Variants in METTL9 observed in about 807,000 individuals in gnomAD.
METTL9 encodes protein-L-histidine N-pros-methyltransferase.
A neutral mutation model predicts 36.0 loss-of-function variants in METTL9; 10 were observed. That is an observed-to-expected ratio of 0.28 (90% CI 0.17 to 0.47). The LOEUF is 0.47. Among genes scored for constraint, METTL9 ranks in the 20% least tolerant of loss-of-function variants. The pLI, the probability that METTL9 is intolerant of heterozygous loss-of-function variation, is 0.99. For synonymous variants in METTL9, 175 were observed against 149.7 expected (o/e 1.17, Z -1.23); for missense variants, 246 against 383.5 (o/e 0.64, Z 3.00).
chr16:21,606,198 G>T (rs576488066), intron 1 of METTL9, among the ~76,000 whole-genome samples: 37 of 152,200 alleles, frequency 2.4e-4, no homozygotes, highest in African/African-American at 8.4e-4. Flanking sequence ...TTAGCTGGGC[G>T]TGGTGGCACG....
chr16:21,643,034 A>G (rs749382363), intron 4 of METTL9: 1 of 1,371,908 alleles, frequency 7.3e-7, no homozygotes, highest in East Asian at 2.3e-5. Flanking sequence ...AACGTGCTTT[A>G]TATCTGTATT....
chr16:21,630,019 G>A (rs1366083227), intron 4 of METTL9, among the ~76,000 whole-genome samples: 1 of 152,188 alleles, frequency 6.6e-6, no homozygotes, highest in Non-Finnish European at 1.5e-5. Flanking sequence ...CAAACCATTA[G>A]CTAGACACAG....
chr16:21,597,449 T>A (rs983307036), upstream of METTL9: 1 of 464,884 alleles, frequency 2.2e-6, no homozygotes, highest in African/African-American at 2.1e-5. Context: ...GAGTGATTTA[T>A]TTTTCTAGGC....
At chr16:21,599,363 A>C (rs557442835), upstream of METTL9, 90 of 1,029,024 alleles carry the variant, frequency 8.7e-5, no homozygotes, top group Non-Finnish European at 1.0e-4. The surrounding 1 kb of genome is among the most constrained non-coding windows in gnomAD (Gnocchi z 4.4). Flanking sequence ...CTAGAGGCCA[A>C]GGCAGGGCCG....
intron 4 of METTL9, chr16:21,646,804 T>G: frequency 5.7e-6 from 2 of 351,610 alleles, no homozygotes; most frequent in South Asian, 4.5e-5. Context: ...TACAGGTGCA[T>G]GCCACCATGC....
intron 4 of METTL9, among the ~76,000 whole-genome samples, chr16:21,632,157 T>C (rs889677379): frequency 6.6e-6 from 1 of 152,254 alleles, no homozygotes; most frequent in Non-Finnish European, 1.5e-5. Context: ...AAAAACTCCA[T>C]AATTGCCTTG....
At chr16:21,612,606 G>A (rs1329044453) in intron 1 of METTL9, 39 bp from the exon 2 acceptor site, 11 of 1,448,048 alleles carry the variant, frequency 7.6e-6, no homozygotes, top group South Asian at 1.5e-5. Flanking sequence ...CTTCGGTTGT[G>A]TGTTTTAATT....
At chr16:21,628,645 C>T (rs142131575) in intron 4 of METTL9, among the ~76,000 whole-genome samples, 196 of 152,128 alleles carry the variant, frequency 1.3e-3, no homozygotes, top group African/African-American at 4.6e-3. Context: ...AGGTGCATAC[C>T]ACCACACCCA....
At chr16:21,599,367 A>C (rs1304781150), upstream of METTL9, 27 of 1,035,060 alleles carry the variant, frequency 2.6e-5, no homozygotes, top group Non-Finnish European at 3.1e-5. This position sits in a 1 kb window ranked among gnomAD's most constrained non-coding sequence, Gnocchi z 4.4. Context: ...AGGCCAAGGC[A>C]GGGCCGGGAC....
At position 21,655,501 on chromosome 16, in the gene METTL9, C is replaced by A; in HGVS notation, c.*69C>A. The A allele has an allele frequency of 1.5e-6, 2 of 1,368,182 alleles. No individual in the cohort carries two copies. The highest frequency in any genetic ancestry group is 1.3e-5 in the South Asian group (1 of 76,280). The allele number at this position is 1,368,182 out of a possible 1,614,324, so 84.8% of individuals were successfully genotyped here. A position where few individuals can be genotyped will look rare whatever the true frequency, so the allele number is the denominator to read the frequency against. ...GTGCCCTTGGAAGAGGGTCTGTGTT[C>A]ACAATTACGTGAAGGGAGGACCCTT... On this transcript the variant is annotated 3_prime_UTR_variant, in exon 5 of 5. Transcript: ENST00000358154.
chr16:21,631,760 C>G (rs531224612), intron 4 of METTL9, among the ~76,000 whole-genome samples: 1 of 152,188 alleles, frequency 6.6e-6, no homozygotes, highest in East Asian at 1.9e-4. Context: ...TTTCGCGCTA[C>G]GCCCTTGTTT....
chr16:21,638,555 A>T (rs1966165010), intron 4 of METTL9, among the ~76,000 whole-genome samples: 1 of 152,222 alleles, frequency 6.6e-6, no homozygotes, highest in Admixed American at 6.5e-5. Flanking sequence ...AAGTGGAAAT[A>T]TAAAGATAAA....
chr16:21,627,026 G>A, intron 4 of METTL9: 1 of 985,456 alleles, frequency 1.0e-6, no homozygotes. Context: ...AGAGCTGCCT[G>A]TTGAGTCTGA....
chr16:21,652,110 G>A (rs1490294884), intron 4 of METTL9: 1 of 152,742 alleles, frequency 6.5e-6, no homozygotes, highest in Non-Finnish European at 1.5e-5. Context: ...ACTATGGGAT[G>A]GCTATTGGAG....
Position 21,647,297 on chromosome 16 carries a change from T to G in METTL9, c.752-7930T>G, listed in dbSNP as rs563502288. 1.9e-5 allele frequency: 31 copies of G among 1,614,220 alleles called. No individual in the cohort carries two copies. In the African/African-American group the frequency reaches 3.6e-4, roughly 19 times the overall value. On this transcript the variant is annotated intron_variant, in intron 4 of 4. Coordinates refer to ENST00000358154, the MANE Select transcript of METTL9 (RefSeq NM_016025.5). ...GAGGGCCTCCCTCACTGTGAACTTG[T>G]CTGCCTCACTTTTGCACCCGTCCAA...
intron 1 of METTL9, among the ~76,000 whole-genome samples, chr16:21,606,551 A>C (rs1035234319): frequency 6.6e-6 from 1 of 152,238 alleles, no homozygotes; most frequent in Admixed American, 6.5e-5. Context: ...GTGTCATTAC[A>C]TAGGCATGAT....
upstream of METTL9, chr16:21,599,457 C>T (rs1179311070): frequency 1.7e-6 from 2 of 1,154,242 alleles, no homozygotes; most frequent in African/African-American, 1.6e-5. The surrounding 1 kb of genome is among the most constrained non-coding windows in gnomAD (Gnocchi z 4.4). Flanking sequence ...AGGGAGGGCG[C>T]CGGGGGAGAA....
chr16:21,633,490 G>C (rs370340769), intron 4 of METTL9, among the ~76,000 whole-genome samples: 11 of 152,176 alleles, frequency 7.2e-5, no homozygotes, highest in African/African-American at 2.4e-4. Flanking sequence ...CGTAAATTGG[G>C]ATGTGTGGTC....
chr16:21,650,642 C>T lies in METTL9; in HGVS notation c.752-4585C>T, dbSNP rs915070941. ...GGAATTTCATATCTCTACTTATTTC[C>T]ACCTTCTTCCCAATTAGGCTATGTG... is the stretch of plus-strand genomic sequence containing the variant. On this transcript the variant is annotated intron_variant, in intron 4 of 4. Coordinates refer to ENST00000358154, the MANE Select transcript of METTL9 (RefSeq NM_016025.5). Among the ~76,000 whole-genome samples the T allele has an allele frequency of 1.8e-4, 28 of 152,026 alleles. 1 individual carries two copies. The highest frequency in any genetic ancestry group is 1.9e-4 in the East Asian group (1 of 5,200).
Sources: allele counts gnomAD v4.1 joint callset (sites outside exome capture counted in the v4.1 genomes callset), GRCh38; gene constraint gnomAD v4.1.1; non-coding constraint Gnocchi (gnomAD v3.1); transcripts MANE v1.5; gene names NCBI Gene and HGNC (gene_info 2026-07-23, HGNC 2026-07-21).